Variants in FGFR1 observed in about 807,000 individuals in gnomAD.
FGFR1 encodes fibroblast growth factor receptor 1.
Under a neutral mutation model 93.7 loss-of-function variants are expected in FGFR1, and 18 were observed. The ratio of observed to expected loss-of-function variants is 0.19; its 90% CI spans 0.13 to 0.28. FGFR1 has a LOEUF of 0.28. Among genes scored for constraint, FGFR1 ranks in the 10% least tolerant of loss-of-function variants. The pLI, the probability that FGFR1 is intolerant of heterozygous loss-of-function variation, is 1.00. For synonymous variants in FGFR1, 448 were observed against 429.3 expected, an observed-to-expected ratio of 1.04 and a Z score of -0.54; for missense variants, 731 against 1,080.4, an observed-to-expected ratio of 0.68 and a Z score of 4.53.
chr8:38,432,723 G>T (rs2151003758), intron 2 of FGFR1, among the ~76,000 whole-genome samples: 1 of 152,116 alleles, frequency 6.6e-6, no homozygotes, highest in South Asian at 2.1e-4. Flanking sequence ...GGCCTCCCTG[G>T]GGCTGCAGCT....
At chr8:38,437,729 T>G (rs1348648875) in intron 2 of FGFR1, among the ~76,000 whole-genome samples, 5 of 152,136 alleles carry the variant, frequency 3.3e-5, no homozygotes, top group Admixed American at 3.3e-4. Context: ...TGATTTCAAT[T>G]TGTAAGTTGA....
intron 4 of FGFR1, 82 bp from the exon 5 acceptor site, chr8:38,428,175 CTGGAGG>C: frequency 6.3e-7 from 1 of 1,587,058 alleles, no homozygotes; most frequent in African/African-American, 1.3e-5. Context: ...AGGCCAGGAC[CTGGAGG>C]TGTCTTGCCC....
At chr8:38,415,245 C>G (rs1336017471) in intron 13 of FGFR1, among the ~76,000 whole-genome samples, 1 of 152,238 alleles carries the variant, frequency 6.6e-6, no homozygotes, top group Admixed American at 6.5e-5. Context: ...ACTCAACACT[C>G]ACAGACAGTT....
At chr8:38,462,194 A>G (rs1372955933) in intron 1 of FGFR1, among the ~76,000 whole-genome samples, 1 of 152,216 alleles carries the variant, frequency 6.6e-6, no homozygotes, top group Non-Finnish European at 1.5e-5. Context: ...ATAAAATCTA[A>G]ACAAACAAGT....
intron 8 of FGFR1, 55 bp downstream of exon 8, chr8:38,421,742 C>CT: frequency 6.3e-7 from 1 of 1,585,332 alleles, no homozygotes; most frequent in Admixed American, 1.7e-5. Context: ...AATGCATGCT[C>CT]CCCCCGTGCC....
At chr8:38,460,056 G>A (rs1833989862) in intron 1 of FGFR1, among the ~76,000 whole-genome samples, 1 of 152,170 alleles carries the variant, frequency 6.6e-6, no homozygotes, top group African/African-American at 2.4e-5. Flanking sequence ...GGTGGTGCAC[G>A]CCTGTAATCC....
At chr8:38,457,617 T>C (rs1242986566) in intron 1 of FGFR1, 83 bp from the exon 2 acceptor site, 5 of 1,380,562 alleles carry the variant, frequency 3.6e-6, no homozygotes, top group South Asian at 1.3e-5. Flanking sequence ...AAGTATGCCA[T>C]GTGGTGGCTG....
rs1436594655 is a variant in FGFR1 at position 38,424,126 on chromosome 8, C to T, written c.936+383G>A. On this transcript the variant is annotated intron_variant, in intron 7 of 17. Transcript: ENST00000447712. The surrounding 1 kb of genome is among the most constrained non-coding windows in gnomAD (Gnocchi z 4.3). ...CATGCACCCCATTTGCCAGAAAGAT[C>T]GTACGTAACTCAGGACACAGGGCTA... 1.7e-5 allele frequency: 6 copies of T among 360,840 alleles called. No individual in the cohort carries two copies. The East Asian group carries it at 2.5e-4, about 15-fold the overall frequency. The allele number at this position is 360,840 out of a possible 1,614,324, so 22.4% of individuals were successfully genotyped here.
chr8:38,441,352 T>C (rs1292332086), intron 2 of FGFR1, among the ~76,000 whole-genome samples: 1 of 152,062 alleles, frequency 6.6e-6, no homozygotes, highest in African/African-American at 2.4e-5. Context: ...CCTCCCTACC[T>C]CTCACAATGG....
intron 9 of FGFR1, 151 bp from the exon 10 acceptor site, chr8:38,418,524 T>C (rs550312977): frequency 5.0e-6 from 5 of 991,244 alleles, no homozygotes; most frequent in South Asian, 3.1e-5. Context: ...AAGACCATGG[T>C]AGGCCAGGAG....
chr8:38,461,156 T>G (rs1834309796), intron 1 of FGFR1: 4 of 1,535,750 alleles, frequency 2.6e-6, no homozygotes, highest in Non-Finnish European at 3.5e-6. Flanking sequence ...AAGTGCCTGC[T>G]GTCTTCTCAC....
In FGFR1 at chr8:38,423,356, C is replaced by T. The variant is rs117481191; in HGVS notation, c.936+1153G>A. On this transcript the variant is annotated intron_variant, in intron 7 of 17. Coordinates refer to ENST00000447712, the MANE Select transcript of FGFR1 (RefSeq NM_023110.3). ...TTTTTAACGCAGAGTCTCACTCACTCTGTCACCCAGGCTGGAGTGCAGTGG... is the reference window on the plus strand; with the variant it reads ...TTTTTAACGCAGAGTCTCACTCACTTTGTCACCCAGGCTGGAGTGCAGTGG... 532 of 524,290 alleles carry T rather than the reference C, an allele frequency of 1.0e-3. 12 individuals carry two copies. In the East Asian group the frequency reaches 0.018, roughly 17 times the overall value. 32.5% of individuals were successfully genotyped at this position (524,290 alleles called of 1,614,324 possible). A position where few individuals can be genotyped will look rare whatever the true frequency, so the allele number is the denominator to read the frequency against.
In FGFR1 at chr8:38,429,650, G is replaced by C. The variant is rs1224361845; in HGVS notation, c.358+32C>G. 6.4e-7 allele frequency: 1 copy of C among 1,555,096 alleles called. No homozygotes were observed. Among genetic ancestry groups the C allele is most frequent in the Non-Finnish European group, 8.7e-7 (1 of 1,148,760 alleles). ...GAGAGGGCTGGAGGGGGTGGGTCTA[G>C]GGAGGGGCAAGGGCAGGGCTTGGCT... is the stretch of plus-strand genomic sequence containing the variant. On this transcript the variant is annotated intron_variant, in intron 3 of 17. Transcript: ENST00000447712. The surrounding 1 kb of genome is among the most constrained non-coding windows in gnomAD (Gnocchi z 4.4).
chr8:38,439,066 G>A (rs1427211476), intron 2 of FGFR1, among the ~76,000 whole-genome samples: 1 of 152,160 alleles, frequency 6.6e-6, no homozygotes, highest in African/African-American at 2.4e-5. Flanking sequence ...ACAATGCCCT[G>A]TTTTGGCATT....
intron 1 of FGFR1, among the ~76,000 whole-genome samples, chr8:38,465,088 C>G (rs1835207821): frequency 6.6e-6 from 1 of 152,176 alleles, no homozygotes; most frequent in Non-Finnish European, 1.5e-5. Context: ...AGGAATAAAG[C>G]TAGCCCAGCC....
chr8:38,452,200 G>C (rs867115224), intron 2 of FGFR1, among the ~76,000 whole-genome samples: 10 of 139,092 alleles, frequency 7.2e-5, no homozygotes, highest in South Asian at 2.4e-4. Context: ...CAGACACACA[G>C]ACACACACAC....
chr8:38,458,627 T>C (rs2151380046), intron 1 of FGFR1, among the ~76,000 whole-genome samples: 1 of 152,030 alleles, frequency 6.6e-6, no homozygotes, highest in African/African-American at 2.4e-5. Flanking sequence ...CAATGAAGAA[T>C]CACGGAACAA....
intron 8 of FGFR1, chr8:38,421,583 G>C (rs964175376): frequency 6.3e-6 from 4 of 639,108 alleles, no homozygotes; most frequent in African/African-American, 5.4e-5. Flanking sequence ...AGGTGTACGG[G>C]TGGGAGGCCT....
intron 2 of FGFR1, among the ~76,000 whole-genome samples, chr8:38,431,853 G>A (rs949596156): frequency 6.6e-6 from 1 of 152,194 alleles, no homozygotes; most frequent in African/African-American, 2.4e-5. Context: ...GCTTTTGTGG[G>A]CCTTAGAAAA....
Sources: allele counts gnomAD v4.1 joint callset (sites outside exome capture counted in the v4.1 genomes callset), GRCh38; gene constraint gnomAD v4.1.1; non-coding constraint Gnocchi (gnomAD v3.1); transcripts MANE v1.5; gene names NCBI Gene and HGNC (gene_info 2026-07-23, HGNC 2026-07-21).